Variants in CACNA2D4 observed in about 807,000 individuals in gnomAD.
CACNA2D4 encodes calcium voltage-gated channel auxiliary subunit alpha2delta 4.
Under a neutral mutation model 163.8 loss-of-function variants are expected in CACNA2D4, and 157 were observed. The observed-to-expected ratio is 0.96, with a 90% CI of 0.84 to 1.09. The LOEUF (loss-of-function observed/expected upper bound fraction) is 1.09, where lower values mean the gene tolerates loss of function less well. Among genes scored for constraint, CACNA2D4 ranks in the 50% least tolerant of loss-of-function variants. CACNA2D4 has a pLI of 0.00. For missense variants in CACNA2D4, 1,410 were observed against 1,479.9 expected (o/e 0.95, Z 0.78); for synonymous variants, 598 against 586.9 (o/e 1.02, Z -0.27).
chr12:1,838,675 G>T (rs1483511095), intron 26 of CACNA2D4, among the ~76,000 whole-genome samples: 5 of 152,186 alleles, frequency 3.3e-5, no homozygotes, highest in Non-Finnish European at 7.3e-5. Context: ...CTCTAATTCA[G>T]CTCTGAGTTA....
At chr12:1,907,772 AGCCTGGTGAGTAT>A (rs56987319) in intron 5 of CACNA2D4, 90 bp downstream of exon 5, 974,231 of 1,404,014 alleles carry the variant, frequency 0.69, 352,934 homozygotes, top group Non-Finnish European at 0.73. Context: ...CTGGTGGGCC[AGCCTGGTGAGTAT>A]GCCTGGTGGG....
chr12:1,809,398 T>C, intron 29 of CACNA2D4: 1 of 625,226 alleles, frequency 1.6e-6, no homozygotes, highest in South Asian at 1.9e-5. Context: ...CACATCACGT[T>C]TCTAATTAGT....
In CACNA2D4 at chr12:1,844,960, A is replaced by C. The variant is rs187985604; in HGVS notation, c.2343-431T>G. Among the ~76,000 whole-genome samples the C allele has an allele frequency of 6.6e-6, 1 of 151,762 alleles. No homozygotes were observed. Among genetic ancestry groups the C allele is most frequent in the East Asian group, 1.9e-4 (1 of 5,142 alleles). On this transcript the variant is annotated intron_variant, in intron 24 of 37. Transcript: ENST00000382722. This position sits in a 1 kb window ranked among gnomAD's most constrained non-coding sequence, Gnocchi z 4.2. ...TTGCCTCTAGGTTTTTGCATACATT[A>C]TGAGTTTCCTTTTTTTGAGCAGCTT...
chr12:1,801,662 C>CAG lies in CACNA2D4; in HGVS notation c.2722-20_2722-19dup. ...CTTCCCGTCTGTGAGAGAGGGACAG[C>CAG]AGAGAGAGAGGGAGGGAGAGAGATG... On this transcript the variant is annotated intron_variant, in intron 29 of 37. Coordinates refer to ENST00000382722, the MANE Select transcript of CACNA2D4 (RefSeq NM_172364.5). The CAG allele has an allele frequency of 2.6e-6, 4 of 1,548,432 alleles. No individual in the cohort carries two copies. The highest frequency in any genetic ancestry group is 1.2e-5 in the South Asian group (1 of 84,890).
At chr12:1,811,911 A>G (rs2154445883) in intron 26 of CACNA2D4, 188 bp from the exon 27 acceptor site, 1 of 592,258 alleles carries the variant, frequency 1.7e-6, no homozygotes, top group Non-Finnish European at 3.0e-6. Flanking sequence ...GGGGAAGAAC[A>G]GAGACGGCAG....
chr12:1,818,176 G>C (rs1481491904), intron 26 of CACNA2D4, among the ~76,000 whole-genome samples: 1 of 139,768 alleles, frequency 7.2e-6, no homozygotes, highest in Non-Finnish European at 1.6e-5. Context: ...CCCGGCAGCC[G>C]CCCCGTCTGA....
chr12:1,846,894 C>T (rs1002279524), intron 23 of CACNA2D4, among the ~76,000 whole-genome samples: 10 of 152,240 alleles, frequency 6.6e-5, no homozygotes, highest in African/African-American at 1.9e-4. Flanking sequence ...GCCCGGCTTC[C>T]GGGCAGCACC....
intron 22 of CACNA2D4, among the ~76,000 whole-genome samples, 175 bp downstream of exon 22, chr12:1,855,837 T>C (rs1355729391): frequency 6.6e-6 from 1 of 152,238 alleles, no homozygotes; most frequent in African/African-American, 2.4e-5. Context: ...AGCCCTGTGG[T>C]AAGGCTGGCT....
In CACNA2D4 at chr12:1,800,425, A is replaced by T; in HGVS notation, c.2882T>A (p.Phe961Tyr). The T allele has an allele frequency of 6.2e-7, 1 of 1,613,860 alleles. No individual in the cohort carries two copies. Residue 961 changes from phenylalanine to tyrosine, a missense_variant, in exon 32 of 38, where the codon TTC (phenylalanine) becomes TAC (tyrosine). By Grantham distance (22) the Phe-to-Tyr change is conservative. Transcript: ENST00000382722. ...CAGCAGCCACCTGGTCGCCGTCAAG[A>T]AGGCAGAAATTGGCTGGGAAGGAGA... ...AQPLVSPISA[F>Y]LTATRWLLQE...
At chr12:1,794,393 TG>T (rs1193639058) in intron 37 of CACNA2D4, among the ~76,000 whole-genome samples, 2 of 152,174 alleles carry the variant, frequency 1.3e-5, no homozygotes, top group Non-Finnish European at 2.9e-5. Context: ...GGACACCAAC[TG>T]GGTGTCTGTC....
chr12:1,821,425 G>T (rs1864095278), intron 26 of CACNA2D4, among the ~76,000 whole-genome samples: 1 of 152,226 alleles, frequency 6.6e-6, no homozygotes, highest in Non-Finnish European at 1.5e-5. Context: ...AGCTGTGCAT[G>T]AAGCCTCCCT....
chr12:1,855,888 A>T, intron 22 of CACNA2D4, 124 bp downstream of exon 22: 1 of 695,848 alleles, frequency 1.4e-6, no homozygotes, highest in Non-Finnish European at 2.5e-6. Context: ...GATCTAAGCC[A>T]TCCATGTGCT....
intron 26 of CACNA2D4, among the ~76,000 whole-genome samples, chr12:1,822,833 G>A (rs1019194693): frequency 2.7e-4 from 40 of 149,156 alleles, no homozygotes; most frequent in African/African-American, 1.0e-3. Flanking sequence ...CTAGACGGCT[G>A]TGGCAGCCTC....
intron 31 of CACNA2D4, 51 bp from the exon 32 acceptor site, chr12:1,800,489 T>C: frequency 6.5e-7 from 1 of 1,533,000 alleles, no homozygotes; most frequent in Non-Finnish European, 9.0e-7. Flanking sequence ...AGGGTGAGGG[T>C]GCCCCCCCCC....
At chr12:1,895,655 G>T (rs956880979) in intron 6 of CACNA2D4, among the ~76,000 whole-genome samples, 13 of 151,978 alleles carry the variant, frequency 8.6e-5, no homozygotes, top group African/African-American at 3.1e-4. Context: ...GTTTTTAGAG[G>T]TAGGGTCTTG....
In CACNA2D4 at chr12:1,901,683, A is replaced by G. The variant is rs573639624; in HGVS notation, c.781+5757T>C. Among the ~76,000 whole-genome samples, 7 of 152,306 alleles carry G rather than the reference A, an allele frequency of 4.6e-5. No homozygotes were observed. In the South Asian group the frequency reaches 8.3e-4, roughly 18 times the overall value. On this transcript the variant is annotated intron_variant, in intron 6 of 37. Transcript: ENST00000382722. ...GAACAAATCAATAACAAGTAATGCT[A>G]TTGAAGTCATTATAAAAAGTCTCTC...
chr12:1,795,697 G>A lies in CACNA2D4; in HGVS notation c.3197C>T (p.Pro1066Leu). 6.2e-7 allele frequency: 1 copy of A among 1,612,502 alleles called. No individual in the cohort carries two copies. The highest frequency in any genetic ancestry group is 8.5e-7 in the Non-Finnish European group (1 of 1,178,654). Residue 1066 changes from proline to leucine, a missense_variant, in exon 36 of 38, where the codon CCA becomes CTA. By Grantham distance (98) the Pro-to-Leu change is moderately conservative. Transcript: ENST00000382722. ...DPTCDCSIFP[P>L]VLQEATEVKY... ...GACTTCTGTCGCCTCCTGCAGCACT[G>A]GTGGGAAGATGCTGCAGTCACAGGT...
intron 1 of CACNA2D4, chr12:1,915,358 C>A: frequency 1.5e-6 from 1 of 653,942 alleles, no homozygotes. Context: ...AGCTTGACCC[C>A]AAGCTTCCAG....
rs76919112 is a variant in CACNA2D4 at position 1,809,574 on chromosome 12, G to A, written c.2721+704C>T. ...TTCTCAGTTTGATTCCTGGCTAAAG[G>A]AATAATCCATTTTGAGGCCCCTTTT... On this transcript the variant is annotated intron_variant, in intron 29 of 37. Coordinates refer to ENST00000382722, the MANE Select transcript of CACNA2D4 (RefSeq NM_172364.5). 1,435 of 702,464 alleles carry A rather than the reference G, an allele frequency of 2.0e-3. 17 individuals carry two copies. In the African/African-American group the frequency reaches 0.021, roughly 10 times the overall value. 43.5% of individuals were successfully genotyped at this position (702,464 alleles called of 1,614,324 possible). A position where few individuals can be genotyped will look rare whatever the true frequency, so the allele number is the denominator to read the frequency against.
Sources: allele counts gnomAD v4.1 joint callset (sites outside exome capture counted in the v4.1 genomes callset), GRCh38; gene constraint gnomAD v4.1.1; non-coding constraint Gnocchi (gnomAD v3.1); transcripts MANE v1.5; gene names NCBI Gene and HGNC (gene_info 2026-07-23, HGNC 2026-07-21).